FANCE: variants seen among roughly 807,000 people sequenced by gnomAD.
The protein encoded by FANCE is Fanconi anemia group E protein.
FANCE carries 42 observed loss-of-function variants against 57.8 expected under a neutral mutation model. That is an observed-to-expected ratio of 0.73 (90% confidence interval 0.57 to 0.94). The LOEUF (loss-of-function observed/expected upper bound fraction) is 0.94, where lower values mean the gene tolerates loss of function less well. FANCE is among the 40% of genes least tolerant of loss of function. The pLI, the probability that FANCE is intolerant of heterozygous loss-of-function variation, is 0.00. For synonymous variants in FANCE, 251 were observed against 286.4 expected (o/e 0.88, Z 1.25); for missense variants, 608 against 661.8 (o/e 0.92, Z 0.89).
rs1206121566 is a variant in FANCE, at chr6:35,458,291, A to G, written c.970-6A>G. 6.2e-7 allele frequency: 1 copy of G among 1,613,582 alleles called. No individual in the cohort carries two copies. The highest frequency in any genetic ancestry group is 1.7e-5 in the Admixed American group (1 of 60,004). ...TGTCCTCTCTCCCCCCGCACTCTGT[A>G]AGCAGATGGACTTGCTGTGTGCCCA... On this transcript the variant is annotated splice_polypyrimidine_tract_variant and splice_region_variant and intron_variant, in intron 4 of 9. Coordinates refer to ENST00000229769, the MANE Select transcript of FANCE (RefSeq NM_021922.3).
chr6:35,452,461 CG>C lies in FANCE; in HGVS notation c.-83del, dbSNP rs1490300134. ...TGGCCCGCCACCGCCGCGTCAGGGA[CG>C]GCGCTGGAGTCCTCCGTTCCCCTCA... On this transcript the variant is annotated 5_prime_UTR_variant, in exon 1 of 10. Coordinates refer to ENST00000229769, the MANE Select transcript of FANCE (RefSeq NM_021922.3). The C allele has an allele frequency of 8.5e-7, 1 of 1,183,102 alleles. No individual in the cohort carries two copies. Among genetic ancestry groups the C allele is most frequent in the African/African-American group, 1.6e-5 (1 of 62,976 alleles). 73.3% of individuals were successfully genotyped at this position (1,183,102 alleles called of 1,614,324 possible).
At chr6:35,464,116 G>T (rs45593535) in intron 9 of FANCE, among the ~76,000 whole-genome samples, 13,639 of 151,990 alleles carry the variant, frequency 0.09, 1,368 homozygotes, top group African/African-American at 0.24. Flanking sequence ...ATGGATGGTG[G>T]TGGGGGATAA....
intron 3 of FANCE, 71 bp downstream of exon 3, chr6:35,457,671 A>C (rs934831680): frequency 6.5e-7 from 1 of 1,541,002 alleles, no homozygotes; most frequent in African/African-American, 1.4e-5. Flanking sequence ...ATGCCCAAGG[A>C]AGGCCCAATG....
intron 8 of FANCE, 74 bp downstream of exon 8, chr6:35,460,692 T>C: frequency 1.5e-6 from 2 of 1,377,964 alleles, no homozygotes; most frequent in Non-Finnish European, 2.1e-6. Context: ...GTTCCTGGGT[T>C]TCTGAGTCCT....
chr6:35,458,132 G>A, intron 4 of FANCE, 148 bp downstream of exon 4: 2 of 1,216,878 alleles, frequency 1.6e-6, no homozygotes, highest in South Asian at 1.2e-5. Flanking sequence ...ACCCTGTGTA[G>A]TATCTTTTAG....
intron 9 of FANCE, among the ~76,000 whole-genome samples, 168 bp downstream of exon 9, chr6:35,463,082 TG>T (rs1343248510): frequency 1.3e-5 from 2 of 152,116 alleles, no homozygotes; most frequent in African/African-American, 4.8e-5. Flanking sequence ...AGGCGGATCA[TG>T]AGGTCAGGAG....
Position 35,458,313 on chromosome 6 carries a change from C to T in FANCE, c.986C>T (p.Ala329Val), listed in dbSNP as rs1767431114. Reference protein sequence around the residue: ...CSPSQMDLLCAQLQLPQLSDL... With the variant: ...CSPSQMDLLCVQLQLPQLSDL... ...TGTAAGCAGATGGACTTGCTGTGTG[C>T]CCAGCTGCAGCTCCCTCAGCTCTCA... The change falls in exon 5 of 10, where the codon GCC becomes GTC. Residue 329 changes from alanine to valine, a missense_variant. Ala to Val is a moderately conservative substitution (Grantham distance 64). Coordinates refer to ENST00000229769, the MANE Select transcript of FANCE (RefSeq NM_021922.3). 1.9e-6 allele frequency: 3 copies of T among 1,613,822 alleles called. No homozygotes were observed. The highest frequency in any genetic ancestry group is 2.5e-6 in the Non-Finnish European group (3 of 1,180,026).
intron 9 of FANCE, among the ~76,000 whole-genome samples, chr6:35,463,191 A>G (rs1767660341): frequency 6.6e-6 from 1 of 152,146 alleles, no homozygotes; most frequent in South Asian, 2.1e-4. Context: ...CCTAGTTACA[A>G]GGGAGGCTGA....
intron 9 of FANCE, among the ~76,000 whole-genome samples, chr6:35,463,518 G>A (rs1767677068): frequency 6.6e-6 from 1 of 152,054 alleles, no homozygotes; most frequent in African/African-American, 2.4e-5. Context: ...CTAGTGAGAG[G>A]GGAGAAATAA....
chr6:35,457,427 C>A, intron 2 of FANCE, 129 bp from the exon 3 acceptor site: 1 of 1,030,958 alleles, frequency 9.7e-7, no homozygotes, highest in Non-Finnish European at 1.5e-6. Context: ...GGCCTCTTGA[C>A]TTTCTTGAAT....
At chr6:35,457,417 G>T in intron 2 of FANCE, 139 bp from the exon 3 acceptor site, 1 of 865,962 alleles carries the variant, frequency 1.2e-6, no homozygotes, top group Non-Finnish European at 1.9e-6. Context: ...CACCGCGCTT[G>T]GCCTCTTGAC....
intron 2 of FANCE, 51 bp from the exon 3 acceptor site, chr6:35,457,505 G>A: frequency 1.2e-6 from 2 of 1,606,044 alleles, no homozygotes; most frequent in Non-Finnish European, 1.7e-6. Flanking sequence ...CCGGGCTTGG[G>A]GTCATGCTGC....
At chr6:35,458,108 C>A in intron 4 of FANCE, 124 bp downstream of exon 4, 1 of 1,221,544 alleles carries the variant, frequency 8.2e-7, no homozygotes, top group South Asian at 1.2e-5. Context: ...TTTTCTCTCT[C>A]AGCGATAGGG....
chr6:35,462,680 A>G (rs991786233), intron 8 of FANCE, 109 bp from the exon 9 acceptor site: 74 of 1,478,908 alleles, frequency 5.0e-5, no homozygotes, highest in Non-Finnish European at 6.3e-5. Context: ...TTACCTGCCC[A>G]GGGTCACCTA....
In FANCE at chr6:35,466,461, T is replaced by C. The variant is rs1767841725; in HGVS notation, c.*116T>C. On this transcript the variant is annotated 3_prime_UTR_variant, in exon 10 of 10. Transcript: ENST00000229769. ...TGAGGATAAAGGCTGAGCCTGGCCA[T>C]CCCAGATTGCAACTGCCTCCCTGTT... 1 of 769,492 alleles carries C rather than the reference T, an allele frequency of 1.3e-6. No individual in the cohort carries two copies. The highest frequency in any genetic ancestry group is 1.7e-5 in the African/African-American group (1 of 58,646). The allele number at this position is 769,492 out of a possible 1,614,324, so 47.7% of individuals were successfully genotyped here.
In FANCE at chr6:35,466,538, C is replaced by T; in HGVS notation, c.*193C>T. On this transcript the variant is annotated 3_prime_UTR_variant, in exon 10 of 10. Transcript: ENST00000229769. ...CCCAGCCAGCAGGGAGGCTCCTGGG[C>T]TAAGGGAGCTCAGCTATATTTTCTT... 1.6e-6 allele frequency: 1 copy of T among 610,762 alleles called. No individual in the cohort carries two copies. The highest frequency in any genetic ancestry group is 2.9e-6 in the Non-Finnish European group (1 of 341,276). The allele number at this position is 610,762 out of a possible 1,614,324, so 37.8% of individuals were successfully genotyped here.
At chr6:35,461,807 C>T (rs568545920) in intron 8 of FANCE, among the ~76,000 whole-genome samples, 2 of 152,058 alleles carry the variant, frequency 1.3e-5, no homozygotes, top group Admixed American at 1.3e-4. Flanking sequence ...ACCACCACAC[C>T]CGGCTAATCT....
Position 35,466,731 on chromosome 6 carries a change from A to T in FANCE, c.*386A>T. On this transcript the variant is annotated 3_prime_UTR_variant, in exon 10 of 10. Coordinates refer to ENST00000229769, the MANE Select transcript of FANCE (RefSeq NM_021922.3). ...ATGCACATGACACTATGCCCAGCTA[A>T]TTTTTTATTTTGTAGATAATATGCT... The T allele has an allele frequency of 2.7e-6, 1 of 363,876 alleles. No homozygotes were observed. The highest frequency in any genetic ancestry group is 3.1e-5 in the South Asian group (1 of 32,428). 22.5% of individuals were successfully genotyped at this position (363,876 alleles called of 1,614,324 possible).
chr6:35,466,154 C>A (rs889147305), intron 9 of FANCE, 90 bp from the exon 10 acceptor site: 1 of 830,846 alleles, frequency 1.2e-6, no homozygotes, highest in Non-Finnish European at 2.1e-6. Flanking sequence ...TCCTCCTGGC[C>A]TCCTCTCTCC....
Sources: allele counts gnomAD v4.1 joint callset (sites outside exome capture counted in the v4.1 genomes callset), GRCh38; gene constraint gnomAD v4.1.1; transcripts MANE v1.5; gene names NCBI Gene and HGNC (gene_info 2026-07-23, HGNC 2026-07-21).